The following ROBO2 variants were observed in gnomAD, a reference collection of about 807,000 sequenced individuals.
ROBO2 encodes the protein roundabout guidance receptor 2.
A neutral mutation model predicts 160.8 loss-of-function variants in ROBO2; 53 were observed. The ratio of observed to expected loss-of-function variants is 0.33; its 90% CI spans 0.26 to 0.41. ROBO2 has a LOEUF of 0.41. Ranked by LOEUF, ROBO2 falls within the 10% of genes least tolerant of loss-of-function variation. The pLI is 1.00. For synonymous variants in ROBO2, 664 were observed against 611.7 expected, an observed-to-expected ratio of 1.09 and a Z score of -1.26; for missense variants, 1,577 against 1,722.4, an observed-to-expected ratio of 0.92 and a Z score of 1.49.
At position 76,567,455 on chromosome 3, in the gene ROBO2, G is replaced by C. The variant is rs373776931; in HGVS notation, c.110-530559G>C. Among the ~76,000 whole-genome samples the C allele has an allele frequency of 2.0e-5, 3 of 150,906 alleles. No individual in the cohort carries two copies. In the Admixed American group the frequency reaches 2.0e-4, roughly 10 times the overall value. ...TAATATCTTAGGTATCATGAAAATA[G>C]CTCAACATATTTTTTTCCTTTACTT... On this transcript the variant is annotated intron_variant, in intron 2 of 26. Transcript: ENST00000487694.
intron 21 of ROBO2, among the ~76,000 whole-genome samples, chr3:77,613,315 A>T (rs557855907): frequency 3.3e-5 from 5 of 152,144 alleles, no homozygotes; most frequent in Non-Finnish European, 7.4e-5. Flanking sequence ...AATCTTAGGA[A>T]ATAACAGACT....
chr3:76,114,239 C>T (rs1010212902), intron 2 of ROBO2, among the ~76,000 whole-genome samples: 10 of 152,086 alleles, frequency 6.6e-5, no homozygotes, highest in Non-Finnish European at 2.9e-5. Flanking sequence ...CAAGCCACAG[C>T]ACAGATGAAA....
At chr3:77,112,155 G>T (rs912360744) in intron 2 of ROBO2, among the ~76,000 whole-genome samples, 1 of 139,642 alleles carries the variant, frequency 7.2e-6, no homozygotes, top group Non-Finnish European at 1.5e-5. Flanking sequence ...TCGCGCCGCC[G>T]TCGCATTCCA....
At chr3:76,127,531 A>G (rs1353856532) in intron 2 of ROBO2, among the ~76,000 whole-genome samples, 2 of 152,026 alleles carry the variant, frequency 1.3e-5, no homozygotes, top group Non-Finnish European at 2.9e-5. Context: ...GTTTATATAG[A>G]AAACAAATGA....
chr3:76,434,669 T>C lies in ROBO2; in HGVS notation c.109+497067T>C, dbSNP rs1559939105. The C allele has an allele frequency of 4.2e-6, 5 of 1,177,992 alleles. No homozygotes were observed. The Admixed American group carries it at 6.8e-5, about 16-fold the overall frequency. The allele number at this position is 1,177,992 out of a possible 1,614,324, so 73.0% of individuals were successfully genotyped here. On this transcript the variant is annotated intron_variant, in intron 2 of 26. Coordinates refer to the ROBO2 transcript ENST00000487694. ...TGAGTGGACTCTGCCATCTGGACCCTCTGCTGGATCAGGTCCTCCTCCCCG... is the reference window on the plus strand; with the variant it reads ...TGAGTGGACTCTGCCATCTGGACCCCCTGCTGGATCAGGTCCTCCTCCCCG...
At chr3:77,571,692 T>C (rs1045377849) in intron 13 of ROBO2, among the ~76,000 whole-genome samples, 11 of 152,150 alleles carry the variant, frequency 7.2e-5, no homozygotes, top group Non-Finnish European at 1.6e-4. Context: ...ACTCTGATTG[T>C]AATCAACTCT....
intron 2 of ROBO2, among the ~76,000 whole-genome samples, chr3:77,303,901 A>G (rs1015238553): frequency 7.9e-5 from 12 of 152,266 alleles, no homozygotes; most frequent in African/African-American, 2.6e-4. Flanking sequence ...GAGAAAAATC[A>G]CATTTCAACT....
chr3:77,074,564 C>A (rs752794541), intron 1 of ROBO2, among the ~76,000 whole-genome samples: 2 of 152,080 alleles, frequency 1.3e-5, no homozygotes, highest in Admixed American at 1.3e-4. Context: ...GAAGAAGAAC[C>A]GATACAGCTA....
intron 2 of ROBO2, among the ~76,000 whole-genome samples, chr3:76,690,360 T>C (rs2092774736): frequency 6.6e-6 from 1 of 152,026 alleles, no homozygotes; most frequent in Non-Finnish European, 1.5e-5. Context: ...GCATGAATCA[T>C]GAGAGCAGAG....
chr3:76,156,910 T>C (rs2072429388), intron 2 of ROBO2, among the ~76,000 whole-genome samples: 1 of 152,174 alleles, frequency 6.6e-6, no homozygotes, highest in African/African-American at 2.4e-5. Context: ...AGGTGGAAGT[T>C]GCAGTGAGCC....
chr3:77,637,324 T>C (rs1405892890), intron 24 of ROBO2, among the ~76,000 whole-genome samples: 2 of 152,138 alleles, frequency 1.3e-5, no homozygotes, highest in East Asian at 3.9e-4. Context: ...GGGAAGGGAG[T>C]ATCCAATCCT....
chr3:77,149,034 A>AT (rs71104654), intron 2 of ROBO2, among the ~76,000 whole-genome samples: 8,054 of 126,046 alleles, frequency 0.064, 593 homozygotes, highest in East Asian at 0.24. Flanking sequence ...GACAAAGTAA[A>AT]TTTTTTTTTT....
At chr3:77,252,831 A>AAAAAAAAAATAT in intron 2 of ROBO2, among the ~76,000 whole-genome samples, 7 of 12,520 alleles carry the variant, frequency 5.6e-4, no homozygotes, top group African/African-American at 1.1e-3. Flanking sequence ...AAAAAAAAAA[A>AAAAAAAAAATAT]ATATATATAT....
chr3:76,445,508 A>G (rs530456487), intron 2 of ROBO2, among the ~76,000 whole-genome samples: 2 of 152,298 alleles, frequency 1.3e-5, no homozygotes, highest in African/African-American at 2.4e-5. Flanking sequence ...CAATCAATAG[A>G]AAAAGAGGGA....
intron 2 of ROBO2, among the ~76,000 whole-genome samples, chr3:77,224,120 T>C (rs1043436657): frequency 5.9e-5 from 9 of 152,080 alleles, no homozygotes; most frequent in Non-Finnish European, 1.3e-4. Flanking sequence ...AGTAGTAGTC[T>C]ATTAATTTTA....
chr3:77,508,508 A>C (rs577749123), intron 5 of ROBO2, among the ~76,000 whole-genome samples: 1 of 150,272 alleles, frequency 6.7e-6, no homozygotes, highest in East Asian at 1.9e-4. Context: ...AATGTTTAGG[A>C]GTTCTCAATT....
At chr3:76,142,365 T>G (rs1577031676) in intron 2 of ROBO2, among the ~76,000 whole-genome samples, 1 of 152,160 alleles carries the variant, frequency 6.6e-6, no homozygotes, top group Middle Eastern at 3.4e-3. Context: ...ATATCTGCAC[T>G]CCTACGTTTG....
chr3:76,973,522 A>G (rs1361554035), intron 2 of ROBO2, among the ~76,000 whole-genome samples: 1 of 152,102 alleles, frequency 6.6e-6, no homozygotes, highest in Admixed American at 6.6e-5. Flanking sequence ...AATATAATCA[A>G]CCACTACTGT....
intron 2 of ROBO2, among the ~76,000 whole-genome samples, chr3:77,205,863 G>A (rs1388938297): frequency 6.6e-6 from 1 of 152,106 alleles, no homozygotes; most frequent in East Asian, 1.9e-4. Context: ...GGGTTACAGG[G>A]AATAAGAATG....
Sources: gnomAD v4.1 joint callset for allele counts (sites outside exome capture counted in the v4.1 genomes callset) on GRCh38, gnomAD v4.1.1 for gene constraint, MANE v1.5 for transcripts, NCBI Gene and HGNC (gene_info 2026-07-23, HGNC 2026-07-21) for gene names.